The following RNF19A variants were observed in gnomAD, a reference collection of about 807,000 sequenced individuals.
RNF19A encodes E3 ubiquitin-protein ligase RNF19A.
RNF19A carries 32 observed loss-of-function variants against 75.7 expected under a neutral mutation model. The ratio of observed to expected loss-of-function variants is 0.42; its 90% CI spans 0.32 to 0.57. The LOEUF is 0.57. Among genes scored for constraint, RNF19A ranks in the 20% least tolerant of loss-of-function variants. The probability of loss-of-function intolerance (pLI) is 0.10; values close to 1 mark genes in which losing one functional copy is unlikely to be tolerated. For missense variants in RNF19A, 782 were observed against 1,036.3 expected (o/e 0.75, Z 3.37); for synonymous variants, 335 against 345.2 (o/e 0.97, Z 0.33).
rs1309039419 is a variant in RNF19A at position 100,260,523 on chromosome 8, G to A, written c.1683-526C>T. ...GGCCTCAAGCTATCCTCCCAACCTG[G>A]CCTCCCAAAGTGCTGGGATTATAGG... is the stretch of plus-strand genomic sequence containing the variant. On this transcript the variant is annotated intron_variant, in intron 8 of 9. Transcript: ENST00000341084. This position sits in a 1 kb window ranked among gnomAD's most constrained non-coding sequence, Gnocchi z 4.1. Among the ~76,000 whole-genome samples the A allele has an allele frequency of 1.3e-5, 2 of 152,016 alleles. No individual in the cohort carries two copies. The highest frequency in any genetic ancestry group is 2.9e-5 in the Non-Finnish European group (2 of 68,008).
rs1235054546 is a variant in RNF19A at position 100,322,520 on chromosome 8, A to G, written c.-242-9148T>C. 6.6e-6 allele frequency among the ~76,000 whole-genome samples: 1 copy of G among 152,246 alleles called. No individual in the cohort carries two copies. Among genetic ancestry groups the G allele is most frequent in the South Asian group, 2.1e-4 (1 of 4,836 alleles). The stretch of plus-strand genomic sequence containing the variant: ...TTTAAACTTTCTCCAAATTAGCAAT[A>G]AGGCTGTTTCATTTATGAGTTCACT... On this transcript the variant is annotated intron_variant, in intron 1 of 3. Transcript: ENST00000519527. This position sits in a 1 kb window ranked among gnomAD's most constrained non-coding sequence, Gnocchi z 5.1.
chr8:100,324,803 T>C lies in RNF19A; in HGVS notation c.-243+11305A>G, dbSNP rs1035175614. ...GATCTATCTTTTTTCTTTCTTTCTC[T>C]TTCTTCTTCCTTCCTTCCTTCCTTC... is the stretch of plus-strand genomic sequence containing the variant. On this transcript the variant is annotated intron_variant, in intron 1 of 3. Coordinates refer to the RNF19A transcript ENST00000519527. The surrounding 1 kb of genome is among the most constrained non-coding windows in gnomAD (Gnocchi z 4.2). Among the ~76,000 whole-genome samples, 1 of 151,836 alleles carries C rather than the reference T, an allele frequency of 6.6e-6. No individual in the cohort carries two copies. Among genetic ancestry groups the C allele is most frequent in the African/African-American group, 2.4e-5 (1 of 41,386 alleles).
chr8:100,308,709 T>C (rs1211530116), intron 1 of RNF19A, among the ~76,000 whole-genome samples: 1 of 151,652 alleles, frequency 6.6e-6, no homozygotes, highest in African/African-American at 2.4e-5. Context: ...AAATGTGGAA[T>C]GTAAAGATCA....
At chr8:100,282,395 C>T (rs1252197583) in intron 2 of RNF19A, among the ~76,000 whole-genome samples, 1 of 152,092 alleles carries the variant, frequency 6.6e-6, no homozygotes, top group East Asian at 1.9e-4. Context: ...TTTTAAACTT[C>T]AAAGAACTAC....
chr8:100,294,318 G>C (rs1788205), intron 1 of RNF19A, among the ~76,000 whole-genome samples: 48,819 of 151,890 alleles, frequency 0.32, 8,550 homozygotes, highest in East Asian at 0.41. Context: ...TCTGTGGAAA[G>C]CACCCATGTT....
At chr8:100,299,236 T>C (rs1821711227) in intron 1 of RNF19A, among the ~76,000 whole-genome samples, 1 of 152,212 alleles carries the variant, frequency 6.6e-6, no homozygotes, top group Admixed American at 6.5e-5. Context: ...TCCAAAAGAC[T>C]ATGATAATAA....
rs1822577137 is a variant in RNF19A, at chr8:100,329,052, T to C, written c.-243+7056A>G. 6.6e-6 allele frequency among the ~76,000 whole-genome samples: 1 copy of C among 152,108 alleles called. No homozygotes were observed. The highest frequency in any genetic ancestry group is 2.4e-5 in the African/African-American group (1 of 41,414). ...AAAGCACAGGCCAGATGTGACTAAT[T>C]CCAGGTGCCTCCAGATCTGTCCTGG... On this transcript the variant is annotated intron_variant, in intron 1 of 3. Transcript: ENST00000519527. This position sits in a 1 kb window ranked among gnomAD's most constrained non-coding sequence, Gnocchi z 4.3.
chr8:100,312,661 C>T (rs1194300423), upstream of RNF19A, among the ~76,000 whole-genome samples: 3 of 152,130 alleles, frequency 2.0e-5, no homozygotes, highest in South Asian at 2.1e-4. Context: ...CAGTGGCTCA[C>T]GCCTGTAATC....
intron 1 of RNF19A, among the ~76,000 whole-genome samples, chr8:100,306,173 A>T (rs1485909603): frequency 6.6e-6 from 1 of 152,208 alleles, no homozygotes; most frequent in Non-Finnish European, 1.5e-5. Flanking sequence ...CTAAGTATAC[A>T]TAATTTCATG....
At position 100,258,095 on chromosome 8, in the gene RNF19A, T is replaced by G. The variant is rs7834075; in HGVS notation, c.*461A>C. ...TTTATGCCGATATAAATAGAAATGT[T>G]ACAGAGTATCATATACTGAGAGTAA... On this transcript the variant is annotated 3_prime_UTR_variant, in exon 10 of 10. Coordinates refer to ENST00000341084, the MANE Select transcript of RNF19A (RefSeq NM_183419.4). This position sits in a 1 kb window ranked among gnomAD's most constrained non-coding sequence, Gnocchi z 4.3. The G allele has an allele frequency of 1.2e-3, 476 of 398,946 alleles. No homozygotes were observed. Among genetic ancestry groups the G allele is most frequent in the African/African-American group, 8.8e-3 (427 of 48,734 alleles). 24.7% of individuals were successfully genotyped at this position (398,946 alleles called of 1,614,324 possible). A position where few individuals can be genotyped will look rare whatever the true frequency, so the allele number is the denominator to read the frequency against.
At position 100,317,584 on chromosome 8, in the gene RNF19A, T is replaced by C. The variant is rs1049569373; in HGVS notation, c.-242-4212A>G. 6.6e-6 allele frequency among the ~76,000 whole-genome samples: 1 copy of C among 152,184 alleles called. No individual in the cohort carries two copies. Among genetic ancestry groups the C allele is most frequent in the African/African-American group, 2.4e-5 (1 of 41,442 alleles). ...GACTGTTCCCATTTGCCTACTCCAG[T>C]CTTTCTTGGTTCCCTTCCCTGTTTG... On this transcript the variant is annotated intron_variant, in intron 1 of 3. Coordinates refer to the RNF19A transcript ENST00000519527. This position sits in a 1 kb window ranked among gnomAD's most constrained non-coding sequence, Gnocchi z 4.3.
At chr8:100,310,918 A>ATT (rs1669888031), upstream of RNF19A, among the ~76,000 whole-genome samples, 1 of 152,290 alleles carries the variant, frequency 6.6e-6, no homozygotes, top group Admixed American at 6.5e-5. Context: ...TAGTCTTGGT[A>ATT]TTCTTAGTTG....
chr8:100,326,031 G>A (rs1401372373), intron 1 of RNF19A, among the ~76,000 whole-genome samples: 1 of 152,112 alleles, frequency 6.6e-6, no homozygotes, highest in East Asian at 1.9e-4. Flanking sequence ...TGCTATCCGG[G>A]TGTTTTATGC....
intron 3 of RNF19A, among the ~76,000 whole-genome samples, chr8:100,273,723 G>A (rs1820366879): frequency 1.3e-5 from 2 of 152,214 alleles, no homozygotes; most frequent in South Asian, 2.1e-4. Context: ...CTTACTATGA[G>A]CCAGGAACTA....
rs774287856 is a variant in RNF19A, at chr8:100,259,254, A to G, written c.1827-8T>C. 10 of 1,593,846 alleles carry G rather than the reference A, an allele frequency of 6.3e-6. No individual in the cohort carries two copies. Among genetic ancestry groups the G allele is most frequent in the Middle Eastern group, 1.7e-4 (1 of 5,992 alleles). On this transcript the variant is annotated splice_polypyrimidine_tract_variant and splice_region_variant and intron_variant, in intron 9 of 9. Transcript: ENST00000341084. This position sits in a 1 kb window ranked among gnomAD's most constrained non-coding sequence, Gnocchi z 4.5. The stretch of plus-strand genomic sequence containing the variant: ...TCCATACTGTTGCCTTCTCTGAAAT[A>G]TAAGAGTAACAAATACAAACATAAT...
intron 3 of RNF19A, among the ~76,000 whole-genome samples, chr8:100,272,651 T>C (rs1219292234): frequency 1.3e-5 from 2 of 151,892 alleles, no homozygotes; most frequent in African/African-American, 4.8e-5. Flanking sequence ...AATCCTCCAC[T>C]TCAATCTCCC....
chr8:100,283,789 G>C (rs113224072), intron 2 of RNF19A, among the ~76,000 whole-genome samples: 348 of 152,182 alleles, frequency 2.3e-3, no homozygotes, highest in Non-Finnish European at 3.6e-3. Flanking sequence ...TTCTGGAAAA[G>C]AACCTTTCAA....
At chr8:100,306,206 C>A (rs1822054931) in intron 1 of RNF19A, among the ~76,000 whole-genome samples, 1 of 152,106 alleles carries the variant, frequency 6.6e-6, no homozygotes, top group Non-Finnish European at 1.5e-5. Context: ...GTTTTTTGAA[C>A]CAAAGACTCA....
At chr8:100,309,999 G>C (rs1314286141), upstream of RNF19A, 19 of 985,520 alleles carry the variant, frequency 1.9e-5, no homozygotes, top group Non-Finnish European at 2.2e-5. Context: ...CAACCGGGGC[G>C]GAGACGACGG....
Sources: gnomAD v4.1 joint callset for allele counts (sites outside exome capture counted in the v4.1 genomes callset) on GRCh38, gnomAD v4.1.1 for gene constraint, Gnocchi (gnomAD v3.1) non-coding constraint, MANE v1.5 for transcripts, NCBI Gene and HGNC (gene_info 2026-07-23, HGNC 2026-07-21) for gene names.